RIPOR2: variants seen among roughly 807,000 people sequenced by gnomAD.
The protein encoded by RIPOR2 is rho family-interacting cell polarization regulator 2.
Under a neutral mutation model 114.5 loss-of-function variants are expected in RIPOR2, and 39 were observed. That is an observed-to-expected ratio of 0.34 (90% CI 0.26 to 0.44). The LOEUF (loss-of-function observed/expected upper bound fraction) is 0.44. Ranked by LOEUF, RIPOR2 falls within the 20% of genes least tolerant of loss-of-function variation. The pLI is 1.00. For synonymous variants in RIPOR2, 445 were observed against 484.4 expected (o/e 0.92, Z 1.07); for missense variants, 1,007 against 1,255.1 (o/e 0.80, Z 2.99).
At chr6:24,891,586 T>G (rs1376749319) in intron 1 of RIPOR2, among the ~76,000 whole-genome samples, 1 of 151,984 alleles carries the variant, frequency 6.6e-6, no homozygotes, top group Non-Finnish European at 1.5e-5. Flanking sequence ...TGCTTATGTA[T>G]CCGAGACTGG....
At chr6:25,029,953 A>G (rs1341518128) in intron 1 of RIPOR2, among the ~76,000 whole-genome samples, 1 of 152,170 alleles carries the variant, frequency 6.6e-6, no homozygotes, top group Non-Finnish European at 1.5e-5. Flanking sequence ...AACTCAAGGT[A>G]GGGAAAGAAA....
At chr6:25,008,594 A>G (rs931629472) in intron 1 of RIPOR2, among the ~76,000 whole-genome samples, 1 of 152,254 alleles carries the variant, frequency 6.6e-6, no homozygotes, top group Non-Finnish European at 1.5e-5. Context: ...CCTATAAAAC[A>G]TAATAAAATT....
At chr6:25,025,355 T>C (rs1776559178) in intron 1 of RIPOR2, among the ~76,000 whole-genome samples, 1 of 152,150 alleles carries the variant, frequency 6.6e-6, no homozygotes, top group Non-Finnish European at 1.5e-5. Flanking sequence ...TTGGAGATAG[T>C]ACTTTGGATT....
intron 21 of RIPOR2, among the ~76,000 whole-genome samples, chr6:24,807,904 G>C (rs987091124): frequency 3.3e-5 from 5 of 152,114 alleles, no homozygotes; most frequent in Admixed American, 2.0e-4. Context: ...TCAGTCATTT[G>C]TGTAAGAGAA....
chr6:24,841,448 C>T (rs1761704665), intron 13 of RIPOR2, among the ~76,000 whole-genome samples: 1 of 151,998 alleles, frequency 6.6e-6, no homozygotes, highest in South Asian at 2.1e-4. Flanking sequence ...CTGTCATGAG[C>T]ATTTGAGGAC....
At chr6:25,035,787 T>C (rs1364976341) in intron 1 of RIPOR2, among the ~76,000 whole-genome samples, 1 of 152,176 alleles carries the variant, frequency 6.6e-6, no homozygotes, top group East Asian at 1.9e-4. Flanking sequence ...TGGGTAGCCT[T>C]GTGCAGATGG....
chr6:24,993,847 C>T (rs1428308101), intron 1 of RIPOR2, among the ~76,000 whole-genome samples: 10 of 152,156 alleles, frequency 6.6e-5, no homozygotes, highest in Non-Finnish European at 1.3e-4. Context: ...TTGCATATCC[C>T]CCAAAGATGA....
rs544739640 is a variant in RIPOR2 at position 24,965,186 on chromosome 6, C to T, written c.76+76665G>A. Reference sequence around the variant, plus strand: ...GGGAGACAGGGTCTTGCTCTGTTGCCCAGGCTAGAGCACAGTGGTACAATT... The same window carrying T: ...GGGAGACAGGGTCTTGCTCTGTTGCTCAGGCTAGAGCACAGTGGTACAATT... On this transcript the variant is annotated intron_variant, in intron 1 of 13. Coordinates refer to the RIPOR2 transcript ENST00000510784. Among the ~76,000 whole-genome samples, 4 of 151,302 alleles carry T rather than the reference C, an allele frequency of 2.6e-5. No homozygotes were observed. In the South Asian group the frequency reaches 8.4e-4, roughly 32 times the overall value.
At chr6:24,903,356 T>C (rs764966082) in intron 1 of RIPOR2, among the ~76,000 whole-genome samples, 4 of 152,108 alleles carry the variant, frequency 2.6e-5, no homozygotes, top group Non-Finnish European at 4.4e-5. Context: ...GGAGAGAACA[T>C]AAACCCCCAT....
intron 1 of RIPOR2, among the ~76,000 whole-genome samples, chr6:25,029,505 T>C (rs974926824): frequency 2.7e-5 from 4 of 150,574 alleles, no homozygotes; most frequent in African/African-American, 9.8e-5. Flanking sequence ...CAAAGGAATG[T>C]TCATGTATTG....
rs190538484 is a variant in RIPOR2 at position 24,870,248 on chromosome 6, A to T, written c.447+618T>A. On this transcript the variant is annotated intron_variant, in intron 5 of 21. Transcript: ENST00000643898. ...CAATGACTCAGATTTGATGAAGTAT[A>T]GTAATTTATATTCAGAGACAACACA... 8.5e-5 allele frequency among the ~76,000 whole-genome samples: 13 copies of T among 152,330 alleles called. No homozygotes were observed. The East Asian group carries it at 2.5e-3, about 29-fold the overall frequency.
At chr6:24,968,572 CA>C (rs145757701) in intron 1 of RIPOR2, among the ~76,000 whole-genome samples, 2 of 152,206 alleles carry the variant, frequency 1.3e-5, no homozygotes, top group Admixed American at 6.5e-5. Context: ...AGGCAATTGT[CA>C]AAAATTGCAG....
At position 24,843,221 on chromosome 6, in the gene RIPOR2, G is replaced by A. The variant is rs1389784921; in HGVS notation, c.1498C>T (p.Arg500Ter). 2.5e-6 allele frequency: 4 copies of A among 1,613,836 alleles called. No individual in the cohort carries two copies. The highest frequency in any genetic ancestry group is 2.5e-6 in the Non-Finnish European group (3 of 1,179,886). The change falls in exon 13 of 22, where the codon CGA becomes TGA. Residue 500 changes from arginine (R) to a stop codon, truncating the protein, a stop_gained. Coordinates refer to ENST00000643898, the MANE Select transcript of RIPOR2 (RefSeq NM_001286445.3). LOFTEE classifies it high-confidence loss of function. ...PASAPSEACR[R>*]QSSGAGAEHL... is the part of the protein sequence containing the mutation. Reference sequence around the variant, plus strand: ...TCAGCCCCAGCACCTGAGGACTGTCGGCGGCAAGCCTCAGATGGGGCCGAG... The same window carrying A: ...TCAGCCCCAGCACCTGAGGACTGTCAGCGGCAAGCCTCAGATGGGGCCGAG...
Position 24,846,300 on chromosome 6 carries a change from C to CTTTTTTTTTTTTTTTTTTTTTTT in RIPOR2, c.1164+1724_1164+1725insAAAAAAAAAAAAAAAAAAAAAAA, listed in dbSNP as rs1562253042. Among the ~76,000 whole-genome samples the CTTTTTTTTTTTTTTTTTTTTTTT allele has an allele frequency of 4.5e-5, 5 of 111,320 alleles. 2 individuals are homozygous for CTTTTTTTTTTTTTTTTTTTTTTT. The allele number at this position is 111,320 out of a possible 152,430, so 73.0% of individuals were successfully genotyped here. ...AGTTTAGCCTGGTCCTTTTCACCTG[C>CTTTTTTTTTTTTTTTTTTTTTTT]CTTTTTTTTTTTTTTTTTTTTTTTG... On this transcript the variant is annotated intron_variant, in intron 12 of 21. Coordinates refer to ENST00000643898, the MANE Select transcript of RIPOR2 (RefSeq NM_001286445.3).
chr6:24,987,134 G>C (rs1414533708), intron 1 of RIPOR2, among the ~76,000 whole-genome samples: 4 of 152,188 alleles, frequency 2.6e-5, no homozygotes, highest in African/African-American at 9.6e-5. Flanking sequence ...AATATAACTG[G>C]CTGATAGTGA....
At chr6:24,969,605 G>A (rs1418110118) in intron 1 of RIPOR2, among the ~76,000 whole-genome samples, 2 of 152,182 alleles carry the variant, frequency 1.3e-5, no homozygotes, top group Non-Finnish European at 2.9e-5. Context: ...AAGCCACTAG[G>A]CTGTCATTTA....
Position 24,843,200 on chromosome 6 carries a change from C to A in RIPOR2, c.1519G>T (p.Ala507Ser). Residue 507 changes from alanine (A) to serine (S), a missense_variant, in exon 13 of 22, where the codon GCT becomes TCT. Physicochemically the swap from Ala to Ser is moderately conservative, Grantham distance 99 (BLOSUM62 1). Transcript: ENST00000643898. ...ACRRQSSGAG[A>S]EHLFLENDVA... Reference sequence around the variant, plus strand: ...TCATTCTCAAGGAACAGGTGCTCAGCCCCAGCACCTGAGGACTGTCGGCGG... The same window carrying A: ...TCATTCTCAAGGAACAGGTGCTCAGACCCAGCACCTGAGGACTGTCGGCGG... 6.2e-7 allele frequency: 1 copy of A among 1,613,980 alleles called. No individual in the cohort carries two copies. Among genetic ancestry groups the A allele is most frequent in the Non-Finnish European group, 8.5e-7 (1 of 1,179,866 alleles).
intron 9 of RIPOR2, among the ~76,000 whole-genome samples, chr6:24,851,341 C>G (rs566715023): frequency 5.3e-5 from 8 of 152,252 alleles, no homozygotes; most frequent in African/African-American, 1.4e-4. Context: ...ATAGAGCAGC[C>G]ACACAACCCA....
chr6:24,969,758 C>T (rs1773694686), intron 1 of RIPOR2, among the ~76,000 whole-genome samples: 1 of 152,136 alleles, frequency 6.6e-6, no homozygotes, highest in Admixed American at 6.6e-5. Flanking sequence ...CTGCCCTGCC[C>T]CTTACTGTAC....
Sources: gnomAD v4.1 joint callset for allele counts (sites outside exome capture counted in the v4.1 genomes callset) on GRCh38, gnomAD v4.1.1 for gene constraint, MANE v1.5 for transcripts, NCBI Gene and HGNC (gene_info 2026-07-23, HGNC 2026-07-21) for gene names.